EHD4: variants seen among roughly 807,000 people sequenced by gnomAD.
EHD4 encodes the protein EH domain-containing protein 4.
A neutral mutation model predicts 51.0 loss-of-function variants in EHD4; 37 were observed. The ratio of observed to expected loss-of-function variants is 0.73; its 90% CI spans 0.56 to 0.95. EHD4 has a LOEUF of 0.95. EHD4 is among the 40% of genes least tolerant of loss of function. The pLI, the probability that EHD4 is intolerant of heterozygous loss-of-function variation, is 0.00. For synonymous variants in EHD4, 297 were observed against 317.3 expected (o/e 0.94, Z 0.68); for missense variants, 632 against 733.1 (o/e 0.86, Z 1.59).
intron 1 of EHD4, among the ~76,000 whole-genome samples, chr15:41,960,638 T>A (rs1476004867): frequency 1.3e-5 from 2 of 152,078 alleles, no homozygotes; most frequent in African/African-American, 4.8e-5. Flanking sequence ...TTTGAATTAC[T>A]GAAAAACTAA....
chr15:41,950,797 C>T (rs1336248062), intron 2 of EHD4, among the ~76,000 whole-genome samples: 1 of 152,152 alleles, frequency 6.6e-6, no homozygotes, highest in Non-Finnish European at 1.5e-5. Flanking sequence ...GGATTCCAAT[C>T]CCCTCTCTGC....
intron 3 of EHD4, among the ~76,000 whole-genome samples, chr15:41,926,826 C>T (rs2067665064): frequency 6.6e-6 from 1 of 152,044 alleles, no homozygotes; most frequent in African/African-American, 2.4e-5. Context: ...GTCTCCACAC[C>T]CTTGCTCAGG....
intron 5 of EHD4, 47 bp downstream of exon 5, chr15:41,909,652 C>T: frequency 1.2e-6 from 2 of 1,606,776 alleles, no homozygotes; most frequent in South Asian, 1.1e-5. Flanking sequence ...CAATGTGGCA[C>T]TGCACCTCTG....
chr15:41,954,909 C>A (rs1489060336), intron 1 of EHD4, among the ~76,000 whole-genome samples: 2 of 152,228 alleles, frequency 1.3e-5, no homozygotes, highest in Admixed American at 1.3e-4. Flanking sequence ...GGATTACAGG[C>A]ATGAGCCACC....
intron 5 of EHD4, among the ~76,000 whole-genome samples, chr15:41,904,476 C>T (rs2067499863): frequency 1.3e-5 from 2 of 152,134 alleles, no homozygotes; most frequent in East Asian, 1.9e-4. Context: ...GAGTCCAAAA[C>T]AGTTCTTATT....
At chr15:41,947,873 T>C (rs973041087) in intron 2 of EHD4, among the ~76,000 whole-genome samples, 17 of 152,200 alleles carry the variant, frequency 1.1e-4, no homozygotes, top group Admixed American at 8.5e-4. Context: ...CCCAGTGCAA[T>C]GGCCCAGCCA....
rs372608291 is a variant in EHD4 at position 41,944,360 on chromosome 15, T to G, written c.414-1196A>C. Among the ~76,000 whole-genome samples, 81 of 152,342 alleles carry G rather than the reference T, an allele frequency of 5.3e-4. 2 individuals carry two copies. Among genetic ancestry groups the G allele is most frequent in the African/African-American group, 1.8e-3 (76 of 41,582 alleles). On this transcript the variant is annotated intron_variant, in intron 2 of 5. Transcript: ENST00000220325. ...CATGTTTAAGGCAGAAAGTGTAGAA[T>G]GCCTCTCCTTTTCCTTTACTATGGA...
At chr15:41,960,907 A>T (rs1595546208) in intron 1 of EHD4, among the ~76,000 whole-genome samples, 1 of 152,170 alleles carries the variant, frequency 6.6e-6, no homozygotes, top group Non-Finnish European at 1.5e-5. Context: ...TCCTGACCTC[A>T]GGTGATCTGC....
intron 4 of EHD4, among the ~76,000 whole-genome samples, chr15:41,913,228 A>G (rs568885858): frequency 4.6e-5 from 7 of 152,336 alleles, no homozygotes; most frequent in African/African-American, 1.7e-4. Flanking sequence ...GGACAGCTTG[A>G]ATGACTAAAA....
chr15:41,899,097 T>A lies in EHD4; in HGVS notation c.*1548A>T, dbSNP rs2067458827. 1 of 152,126 alleles carries A rather than the reference T, an allele frequency of 6.6e-6. No individual in the cohort carries two copies. 9.4% of individuals were successfully genotyped at this position (152,126 alleles called of 1,614,324 possible). ...AAAAATTATGTGCCTTTTGGAAGAC[T>A]CAGTGGGACGGTTCTGATTTCATTC... On this transcript the variant is annotated 3_prime_UTR_variant, in exon 6 of 6. Transcript: ENST00000220325.
At chr15:41,962,375 A>T (rs2067929576) in intron 1 of EHD4, among the ~76,000 whole-genome samples, 1 of 152,224 alleles carries the variant, frequency 6.6e-6, no homozygotes, top group Non-Finnish European at 1.5e-5. Flanking sequence ...TCAAAGTGAC[A>T]ATATTTAAGA....
At chr15:41,959,880 G>C (rs2067913579) in intron 1 of EHD4, among the ~76,000 whole-genome samples, 1 of 150,272 alleles carries the variant, frequency 6.7e-6, no homozygotes, top group African/African-American at 2.5e-5. Flanking sequence ...TGAGGCAGGA[G>C]AATTGCTTGA....
At chr15:41,919,700 G>T in intron 3 of EHD4, 78 bp from the exon 4 acceptor site, 1 of 1,365,320 alleles carries the variant, frequency 7.3e-7, no homozygotes, top group Admixed American at 2.9e-5. Context: ...GAACAGTCTC[G>T]CTCTCCAGCA....
intron 1 of EHD4, among the ~76,000 whole-genome samples, chr15:41,956,671 A>T (rs1446916115): frequency 1.3e-5 from 2 of 152,238 alleles, no homozygotes; most frequent in African/African-American, 4.8e-5. Context: ...GTGTGCTTCA[A>T]GTGTGAAATA....
chr15:41,960,203 T>A (rs1322526787), intron 1 of EHD4, among the ~76,000 whole-genome samples: 1 of 152,212 alleles, frequency 6.6e-6, no homozygotes, highest in African/African-American at 2.4e-5. Context: ...CACATTCAGC[T>A]TATTTCATCC....
intron 1 of EHD4, among the ~76,000 whole-genome samples, chr15:41,960,311 G>C (rs1477895912): frequency 6.6e-6 from 1 of 152,062 alleles, no homozygotes; most frequent in Non-Finnish European, 1.5e-5. Context: ...ATTAATACTG[G>C]GTAATGACTA....
Position 41,900,871 on chromosome 15 carries a change from C to A in EHD4, c.1400G>T (p.Gly467Val). 1 of 1,614,176 alleles carries A rather than the reference C, an allele frequency of 6.2e-7. No homozygotes were observed. Among genetic ancestry groups the A allele is most frequent in the Non-Finnish European group, 8.5e-7 (1 of 1,180,034 alleles). ...TLSPINGKISGVNAKKEMVTS... is the reference protein window; with the variant it reads ...TLSPINGKISVVNAKKEMVTS... ...CACCATCTCCTTCTTGGCGTTGACA[C>A]CTGATATCTTGCCATTGATGGGCGA... The change falls in exon 6 of 6, where the codon GGT becomes GTT. Residue 467 changes from glycine to valine, a missense_variant. By Grantham distance (109) the Gly-to-Val change is moderately radical. Transcript: ENST00000220325. This position sits in a 1 kb window ranked among gnomAD's most constrained non-coding sequence, Gnocchi z 4.8.
intron 5 of EHD4, among the ~76,000 whole-genome samples, chr15:41,903,958 G>A (rs182312442): frequency 2.0e-4 from 30 of 151,272 alleles, no homozygotes; most frequent in African/African-American, 6.8e-4. Flanking sequence ...CAAACAATGC[G>A]GCCTGCACTT....
At chr15:41,969,610 T>C (rs537181585) in intron 1 of EHD4, among the ~76,000 whole-genome samples, 3 of 152,322 alleles carry the variant, frequency 2.0e-5, no homozygotes, top group Admixed American at 6.5e-5. Context: ...AGTGGAAATG[T>C]CTTCCTTCAC....
Sources: gnomAD v4.1 joint callset for allele counts (sites outside exome capture counted in the v4.1 genomes callset) on GRCh38, gnomAD v4.1.1 for gene constraint, Gnocchi (gnomAD v3.1) non-coding constraint, MANE v1.5 for transcripts, NCBI Gene and HGNC (gene_info 2026-07-23, HGNC 2026-07-21) for gene names.